Variants in TBC1D22A observed in about 807,000 individuals in gnomAD.
TBC1D22A encodes the protein putative GTPase activator.
A neutral mutation model predicts 60.2 loss-of-function variants in TBC1D22A; 38 were observed. The observed-to-expected ratio is 0.63, with a 90% CI of 0.49 to 0.83. The LOEUF is 0.83. Ranked by LOEUF, TBC1D22A falls within the 40% of genes least tolerant of loss-of-function variation. TBC1D22A has a pLI of 0.00. For missense variants in TBC1D22A, 628 were observed against 701.0 expected (o/e 0.90, Z 1.18); for synonymous variants, 302 against 281.7 (o/e 1.07, Z -0.72).
intron 11 of TBC1D22A, among the ~76,000 whole-genome samples, chr22:47,064,131 C>A (rs2063678801): frequency 6.6e-6 from 1 of 152,242 alleles, no homozygotes; most frequent in African/African-American, 2.4e-5. Flanking sequence ...GACACGGATC[C>A]ACTCGCTGTG....
intron 11 of TBC1D22A, among the ~76,000 whole-genome samples, chr22:47,074,786 T>C (rs1241314981): frequency 6.6e-6 from 1 of 152,194 alleles, no homozygotes; most frequent in Non-Finnish European, 1.5e-5. Flanking sequence ...GCACCTCCAT[T>C]GGCCAACAGA....
chr22:46,908,691 G>A (rs1273705641), intron 7 of TBC1D22A, among the ~76,000 whole-genome samples: 1 of 152,174 alleles, frequency 6.6e-6, no homozygotes, highest in Non-Finnish European at 1.5e-5. Flanking sequence ...GTGGGCAGAG[G>A]CCCTCTGTCC....
chr22:46,879,582 C>T (rs777040633), intron 5 of TBC1D22A, among the ~76,000 whole-genome samples: 16 of 152,138 alleles, frequency 1.1e-4, no homozygotes, highest in Non-Finnish European at 1.9e-4. Flanking sequence ...CTCTGAACAG[C>T]GAATATTTAT....
intron 4 of TBC1D22A, among the ~76,000 whole-genome samples, chr22:46,863,950 A>G (rs564902928): frequency 6.6e-6 from 1 of 152,266 alleles, no homozygotes; most frequent in South Asian, 2.1e-4. Context: ...CTAGCATTGT[A>G]CAGAGGCCTC....
At chr22:46,995,750 C>T (rs1212689363) in intron 9 of TBC1D22A, among the ~76,000 whole-genome samples, 1 of 152,128 alleles carries the variant, frequency 6.6e-6, no homozygotes, top group African/African-American at 2.4e-5. Context: ...CACCCTTCCT[C>T]CACCTGCGGA....
intron 11 of TBC1D22A, among the ~76,000 whole-genome samples, chr22:47,093,478 G>C (rs1018249897): frequency 2.0e-5 from 3 of 152,172 alleles, no homozygotes; most frequent in Non-Finnish European, 4.4e-5. Flanking sequence ...GGAGGGGGCT[G>C]CCTTGTTCAC....
rs1054345677 is a variant in TBC1D22A, at chr22:46,944,604, T to C, written c.1016-29686T>C. On this transcript the variant is annotated intron_variant, in intron 8 of 12. Transcript: ENST00000337137. ...TAGTAGAGATGGGGTTTCACCGTGT[T>C]AGCCAGGATGGTCTTGATCTCATGA... Among the ~76,000 whole-genome samples, 10 of 152,226 alleles carry C rather than the reference T, an allele frequency of 6.6e-5. No individual in the cohort carries two copies. In the East Asian group the frequency reaches 7.7e-4, roughly 12 times the overall value.
chr22:46,846,255 C>A (rs2086986858), intron 4 of TBC1D22A, among the ~76,000 whole-genome samples: 1 of 152,224 alleles, frequency 6.6e-6, no homozygotes, highest in African/African-American at 2.4e-5. Flanking sequence ...CTGTTGTGAT[C>A]TTTCAATGAG....
chr22:47,068,999 C>T (rs568119475), intron 11 of TBC1D22A, among the ~76,000 whole-genome samples: 4 of 152,234 alleles, frequency 2.6e-5, no homozygotes, highest in African/African-American at 7.2e-5. Flanking sequence ...ATGTGGCTCA[C>T]TGAGGCAGTA....
intron 7 of TBC1D22A, among the ~76,000 whole-genome samples, chr22:46,906,192 A>G (rs1423332279): frequency 6.6e-5 from 10 of 152,260 alleles, no homozygotes; most frequent in Admixed American, 2.6e-4. Context: ...TTTCTTCCCT[A>G]CTGCTACCCA....
At chr22:46,817,295 T>G (rs1211158783) in intron 4 of TBC1D22A, among the ~76,000 whole-genome samples, 3 of 151,952 alleles carry the variant, frequency 2.0e-5, no homozygotes, top group Non-Finnish European at 4.4e-5. Flanking sequence ...AAAAAAAATC[T>G]GGGATACAGG....
rs368058819 is a variant in TBC1D22A, at chr22:46,769,671, G to C, written c.62+6823G>C. Among the ~76,000 whole-genome samples, 4 of 152,276 alleles carry C rather than the reference G, an allele frequency of 2.6e-5. No individual in the cohort carries two copies. In the South Asian group the frequency reaches 8.3e-4, roughly 32 times the overall value. Reference sequence around the variant, plus strand: ...TGGAGGGTGGTGAGCAGGCACTGGAGCTGCTTCCAAGGCCATGGTGAAGAT... The same window carrying C: ...TGGAGGGTGGTGAGCAGGCACTGGACCTGCTTCCAAGGCCATGGTGAAGAT... On this transcript the variant is annotated intron_variant, in intron 1 of 12. Transcript: ENST00000337137.
At chr22:46,962,935 C>T (rs768763156) in intron 8 of TBC1D22A, among the ~76,000 whole-genome samples, 44 of 151,920 alleles carry the variant, frequency 2.9e-4, no homozygotes, top group African/African-American at 1.0e-3. Context: ...GTGCCTGGGC[C>T]GGGTGCAGTG....
chr22:46,960,659 A>T (rs2073446507), intron 8 of TBC1D22A, among the ~76,000 whole-genome samples: 1 of 152,184 alleles, frequency 6.6e-6, no homozygotes, highest in Admixed American at 6.5e-5. Flanking sequence ...TACCCAGTCC[A>T]GGCCAGGCGC....
At chr22:46,908,706 T>C (rs1368400805) in intron 7 of TBC1D22A, among the ~76,000 whole-genome samples, 3 of 152,156 alleles carry the variant, frequency 2.0e-5, no homozygotes, top group Non-Finnish European at 4.4e-5. Context: ...CTGTCCTGAC[T>C]TGGATGAGGG....
chr22:46,877,103 C>T (rs577835516), intron 4 of TBC1D22A, among the ~76,000 whole-genome samples: 7 of 152,288 alleles, frequency 4.6e-5, no homozygotes, highest in African/African-American at 1.4e-4. Flanking sequence ...ATGGAAGGGA[C>T]GTAGTGGACA....
chr22:46,904,096 A>AATCAATCAATCT (rs1207325734), intron 7 of TBC1D22A, among the ~76,000 whole-genome samples: 5 of 106,856 alleles, frequency 4.7e-5, no homozygotes, highest in African/African-American at 2.4e-4. Flanking sequence ...ATCTAAATAA[A>AATCAATCAATCT]ATCTATCTAT....
At chr22:46,906,057 G>A (rs926429097) in intron 7 of TBC1D22A, among the ~76,000 whole-genome samples, 2 of 152,096 alleles carry the variant, frequency 1.3e-5, no homozygotes, top group Non-Finnish European at 2.9e-5. Context: ...CGTGCGGGGC[G>A]CCTGGGACCT....
intron 12 of TBC1D22A, among the ~76,000 whole-genome samples, chr22:47,136,379 G>A (rs1489731301): frequency 6.6e-6 from 1 of 152,236 alleles, no homozygotes; most frequent in Non-Finnish European, 1.5e-5. Flanking sequence ...ACTGACCTGG[G>A]TGGTCTCTCC....
Sources: allele counts gnomAD v4.1 joint callset (sites outside exome capture counted in the v4.1 genomes callset), GRCh38; gene constraint gnomAD v4.1.1; transcripts MANE v1.5; gene names NCBI Gene and HGNC (gene_info 2026-07-23, HGNC 2026-07-21).